Variants in BLTP3B observed in about 807,000 individuals in gnomAD.
The protein encoded by BLTP3B is bridge-like lipid transfer protein family member 3B, also known as UHRF1 (ICBP90) binding protein 1-like.
At chr12:100,046,328 A>G in the BLTP3B span, among the ~76,000 whole-genome samples, 2 of 152,260 alleles carry the variant, frequency 1.3e-5, no homozygotes, top group East Asian at 1.9e-4. Flanking sequence ...AACCAACCCA[A>G]ATGTCCATTA....
At chr12:100,142,130 T>TC in the BLTP3B span, among the ~76,000 whole-genome samples, 1 of 152,084 alleles carries the variant, frequency 6.6e-6, no homozygotes, top group Non-Finnish European at 1.5e-5. Context: ...GAACACAGCC[T>TC]CCACTGAGCG....
the BLTP3B span, among the ~76,000 whole-genome samples, chr12:100,061,613 C>T: frequency 1.4e-5 from 2 of 146,920 alleles, no homozygotes; most frequent in Non-Finnish European, 3.0e-5. Flanking sequence ...GCCGAGATCG[C>T]GCCACTGCAC....
chr12:100,074,547 T>C, the BLTP3B span, among the ~76,000 whole-genome samples: 1 of 145,096 alleles, frequency 6.9e-6, no homozygotes, highest in South Asian at 2.2e-4. Context: ...TGTAGTGAGC[T>C]AACACCACTG....
At chr12:100,097,441 G>A in the BLTP3B span, 38 of 1,613,472 alleles carry the variant, frequency 2.4e-5, no homozygotes, top group South Asian at 3.6e-4. Flanking sequence ...TTCAAGATGT[G>A]AACTTTGGGT....
At chr12:100,048,152 T>G in the BLTP3B span, 1 of 1,605,428 alleles carries the variant, frequency 6.2e-7, no homozygotes, top group South Asian at 1.1e-5. Flanking sequence ...CTCAGAGAAA[T>G]CTCAGGAGAG....
At chr12:100,111,087 C>T in the BLTP3B span, among the ~76,000 whole-genome samples, 4 of 151,966 alleles carry the variant, frequency 2.6e-5, no homozygotes, top group African/African-American at 9.7e-5. Context: ...AGGGATACCC[C>T]ATCTAATTAT....
chr12:100,084,330 A>T, the BLTP3B span: 1 of 870,388 alleles, frequency 1.1e-6, no homozygotes, highest in Non-Finnish European at 1.6e-6. Flanking sequence ...CCCCATCTCT[A>T]CATTAAAAAG....
At chr12:100,084,771 T>C in the BLTP3B span, 1 of 1,143,536 alleles carries the variant, frequency 8.7e-7, no homozygotes, top group Non-Finnish European at 1.2e-6. Flanking sequence ...CTTTGATATC[T>C]GAAAAATTTA....
chr12:100,094,884 C>T, the BLTP3B span, among the ~76,000 whole-genome samples: 2 of 152,094 alleles, frequency 1.3e-5, no homozygotes, highest in Non-Finnish European at 2.9e-5. Context: ...GTATGCCATT[C>T]CCATGTACAA....
the BLTP3B span, among the ~76,000 whole-genome samples, chr12:100,054,452 C>T: frequency 6.6e-6 from 1 of 152,052 alleles, no homozygotes; most frequent in African/African-American, 2.4e-5. Flanking sequence ...GTCACTTTTA[C>T]TTATTATTTA....
the BLTP3B span, among the ~76,000 whole-genome samples, chr12:100,108,882 A>T: frequency 2.6e-5 from 4 of 152,156 alleles, no homozygotes; most frequent in Non-Finnish European, 5.9e-5. Flanking sequence ...ATGGAGATCA[A>T]GAGTAGAAAT....
the BLTP3B span, among the ~76,000 whole-genome samples, chr12:100,066,610 G>A: frequency 2.7e-5 from 4 of 150,718 alleles, no homozygotes; most frequent in Admixed American, 1.3e-4. Flanking sequence ...TGGCTAACAC[G>A]GTGAAACCCT....
the BLTP3B span, among the ~76,000 whole-genome samples, chr12:100,074,238 A>AAAC: frequency 3.6e-3 from 542 of 152,216 alleles, 1 homozygote; most frequent in Non-Finnish European, 5.9e-3. Flanking sequence ...GCTGAAAGCC[A>AAAC]AACAACAACA....
chr12:100,107,928 G>A, the BLTP3B span, among the ~76,000 whole-genome samples: 2 of 151,926 alleles, frequency 1.3e-5, no homozygotes, highest in Non-Finnish European at 2.9e-5. Flanking sequence ...TTTTAGTATA[G>A]ATGCAGTCTC....
At chr12:100,136,222 A>C in the BLTP3B span, among the ~76,000 whole-genome samples, 4 of 152,114 alleles carry the variant, frequency 2.6e-5, no homozygotes, top group Non-Finnish European at 5.9e-5. Context: ...AAAAAAAAAA[A>C]AAACACCTCA....
the BLTP3B span, among the ~76,000 whole-genome samples, chr12:100,046,704 A>G: frequency 6.6e-6 from 1 of 152,246 alleles, no homozygotes; most frequent in South Asian, 2.1e-4. Flanking sequence ...GGGTACATGT[A>G]CCCTAGAACT....
At chr12:100,048,203 A>C in the BLTP3B span, 190 of 1,570,380 alleles carry the variant, frequency 1.2e-4, 1 homozygote, top group African/African-American at 2.5e-3. Context: ...GAACCTAAGG[A>C]AAATGAACAT....
chr12:100,070,249 T>A, the BLTP3B span: 1 of 1,463,554 alleles, frequency 6.8e-7, no homozygotes, highest in South Asian at 1.4e-5. Flanking sequence ...AACATGAAGA[T>A]AGGATTAAAT....
chr12:100,057,518 C>T, the BLTP3B span: 1 of 1,452,818 alleles, frequency 6.9e-7, no homozygotes, highest in Non-Finnish European at 9.3e-7. Context: ...CATCCCTTTT[C>T]TCCTAAGGTG....
Sources: allele counts gnomAD v4.1 joint callset (sites outside exome capture counted in the v4.1 genomes callset), GRCh38; gene constraint gnomAD v4.1.1; transcripts MANE v1.5; gene names NCBI Gene and HGNC (gene_info 2026-07-23, HGNC 2026-07-21).